ZAN: variants seen among roughly 807,000 people sequenced by gnomAD.
The protein encoded by ZAN is zonadhesin, also known as zonadhesin (gene/pseudogene).
A neutral mutation model predicts 286.2 loss-of-function variants in ZAN; 260 were observed. The ratio of observed to expected loss-of-function variants is 0.91; its 90% CI spans 0.82 to 1.01. The LOEUF (loss-of-function observed/expected upper bound fraction) is 1.01, where lower values mean the gene tolerates loss of function less well. Among genes scored for constraint, ZAN ranks in the 50% least tolerant of loss-of-function variants. ZAN has a pLI of 0.00. For synonymous variants in ZAN, 1,368 were observed against 1,417.5 expected (o/e 0.97, Z 0.79); for missense variants, 3,410 against 3,639.2 (o/e 0.94, Z 1.62).
chr7:100,750,324 A>G (rs575920387), intron 11 of ZAN, among the ~76,000 whole-genome samples: 7 of 151,924 alleles, frequency 4.6e-5, no homozygotes, highest in African/African-American at 1.7e-4. Context: ...TTTAGTGGAG[A>G]CGGGGTTTCA....
Position 100,775,786 on chromosome 7 carries a change from G to A in ZAN, c.6145G>A (p.Gly2049Arg), listed in dbSNP as rs373079678. 41 of 1,613,750 alleles carry A rather than the reference G, an allele frequency of 2.5e-5. 1 individual carries two copies. The highest frequency in any genetic ancestry group is 3.4e-5 in the Non-Finnish European group (40 of 1,179,896). The part of the protein sequence containing the change: ...IKIGVQVKFD[G>R]NHLLEIEIPT... ...GATCGGGGTGCAAGTCAAGTTTGAC[G>A]GGAATCATCTCTTAGAGATTGAAAT... The change falls in exon 33 of 48, where the codon GGG (glycine) becomes AGG (arginine). Residue 2049 changes from glycine to arginine, a missense_variant. This residue lies in a region of ZAN where 1,289 missense variants were observed against 1,314.3 expected (regional missense o/e 0.98). Coordinates refer to ENST00000613979, the MANE Select transcript of ZAN (RefSeq NM_003386.3).
In ZAN at chr7:100,773,438, C is replaced by G; in HGVS notation, c.5579C>G (p.Ser1860Cys). ...AAAGGCCACATCTTGAGTGGAACCT[C>G]CTGCGTGCCCCTTGGCCAGTGTGGC... ...CQKGHILSGTSCVPLGQCGCT... is the reference protein window; with the variant it reads ...CQKGHILSGTCCVPLGQCGCT... The change falls in exon 30 of 48, where the codon TCC becomes TGC. Residue 1860 changes from serine to cysteine, a missense_variant. Ser to Cys is a moderately radical substitution (Grantham distance 112). Around this residue, in one of 7 missense-constraint regions of ZAN, gnomAD observed 1,289 missense variants for 1,314.3 expected, o/e 0.98. Coordinates refer to ENST00000613979, the MANE Select transcript of ZAN (RefSeq NM_003386.3). The G allele has an allele frequency of 6.2e-7, 1 of 1,613,996 alleles. No homozygotes were observed. The highest frequency in any genetic ancestry group is 8.5e-7 in the Non-Finnish European group (1 of 1,179,902).
chr7:100,786,229 G>A (rs1811559321), intron 37 of ZAN, 88 bp downstream of exon 37: 4 of 1,561,902 alleles, frequency 2.6e-6, no homozygotes, highest in Non-Finnish European at 3.5e-6. Context: ...AAGGGGCTTA[G>A]CCTGAACCCC....
intron 28 of ZAN, 58 bp from the exon 29 acceptor site, chr7:100,771,786 A>T (rs1299822377): frequency 1.3e-6 from 2 of 1,545,682 alleles, no homozygotes; most frequent in African/African-American, 2.7e-5. Flanking sequence ...GGGAAGCCAC[A>T]TGGCCCTGTT....
chr7:100,751,871 A>G lies in ZAN; in HGVS notation c.1766A>G (p.Glu589Gly), dbSNP rs1307510348. The G allele has an allele frequency of 1.9e-6, 3 of 1,613,472 alleles. No homozygotes were observed. In the Admixed American group the frequency reaches 5.0e-5, roughly 27 times the overall value. Reference sequence around the variant, plus strand: ...ACAGAAAAGCCCACAGTCCCCAAAGAAAAGCCCACCATTCCCACAGAAAAA... The same window carrying G: ...ACAGAAAAGCCCACAGTCCCCAAAGGAAAGCCCACCATTCCCACAGAAAAA... The part of the protein sequence containing the change: ...VTTEKPTVPK[E>G]KPTIPTEKPT... Residue 589 changes from glutamate to glycine, a missense_variant, in exon 14 of 48, where the codon GAA becomes GGA. Glu to Gly is a moderately conservative substitution (Grantham distance 98). Around this residue, in one of 7 missense-constraint regions of ZAN, gnomAD observed 872 missense variants for 938.9 expected, o/e 0.93. Coordinates refer to ENST00000613979, the MANE Select transcript of ZAN (RefSeq NM_003386.3).
At chr7:100,779,836 T>A (rs1270119399) in intron 35 of ZAN, 86 bp downstream of exon 35, 1 of 1,349,368 alleles carries the variant, frequency 7.4e-7, no homozygotes, top group Admixed American at 2.6e-5. Context: ...CTCTCCTTCC[T>A]GTTCGTTCCT....
chr7:100,752,221 T>G lies in ZAN; in HGVS notation c.2116T>G (p.Ser706Ala), dbSNP rs756448569. 1.7e-4 allele frequency: 262 copies of G among 1,556,342 alleles called. No homozygotes were observed. Among genetic ancestry groups the G allele is most frequent in the Non-Finnish European group, 2.2e-4 (260 of 1,157,360 alleles). ...CATCTCCATGGAAGAGACTATCATC[T>G]CCACAGAAAAACCCACCATCTCCCC... ...PTISMEETII[S>A]TEKPTISPEK... The change falls in exon 14 of 48, where the codon TCC becomes GCC. Residue 706 changes from serine to alanine, a missense_variant. Transcript: ENST00000613979.
rs1809670648 is a variant in ZAN, at chr7:100,762,500, A to G, written c.3986+142A>G. ...GAGTGCAGTGGTGCGATCTCAGCTC[A>G]CTGCAACCTCCGCCTCCCAGGCTCA... On this transcript the variant is annotated intron_variant, in intron 20 of 47. Coordinates refer to ENST00000613979, the MANE Select transcript of ZAN (RefSeq NM_003386.3). 19 of 1,149,776 alleles carry G rather than the reference A, an allele frequency of 1.7e-5. 1 individual carries two copies. The South Asian group carries it at 3.3e-4, about 20-fold the overall frequency. The allele number at this position is 1,149,776 out of a possible 1,614,324, so 71.2% of individuals were successfully genotyped here.
intron 34 of ZAN, 65 bp from the exon 35 acceptor site, chr7:100,779,380 GA>G (rs912589293): frequency 4.6e-5 from 67 of 1,449,778 alleles, no homozygotes; most frequent in Admixed American, 2.3e-4. Context: ...TCCCCCTAAA[GA>G]AAAAAAAATT....
intron 20 of ZAN, among the ~76,000 whole-genome samples, chr7:100,762,744 C>CTT (rs540403384): frequency 3.2e-4 from 46 of 142,318 alleles, no homozygotes; most frequent in South Asian, 1.1e-3. Context: ...TCCACCCGCC[C>CTT]TTTTTTTTTT....
intron 42 of ZAN, among the ~76,000 whole-genome samples, chr7:100,793,598 C>A (rs1051634049): frequency 6.6e-6 from 1 of 151,922 alleles, no homozygotes; most frequent in African/African-American, 2.4e-5. Context: ...CCACCACGCC[C>A]GGCTCATTTT....
rs1202503413 is a variant in ZAN at position 100,782,480 on chromosome 7, C to G, written c.6623-2143C>G. Among the ~76,000 whole-genome samples the G allele has an allele frequency of 4.6e-5, 7 of 151,992 alleles. No individual in the cohort carries two copies. In the East Asian group the frequency reaches 5.8e-4, roughly 13 times the overall value. On this transcript the variant is annotated intron_variant, in intron 35 of 47. Coordinates refer to ENST00000613979, the MANE Select transcript of ZAN (RefSeq NM_003386.3). ...AGTAGCTGGGATTACAGGCACCCAC[C>G]ACCATGCCTGGATAATTTTTTTGTA...
chr7:100,776,448 C>T lies in ZAN; in HGVS notation c.6201C>T (p.Gly2067=), dbSNP rs1406977357. 1 of 1,605,986 alleles carries T rather than the reference C, an allele frequency of 6.2e-7. No individual in the cohort carries two copies. The highest frequency in any genetic ancestry group is 8.5e-7 in the Non-Finnish European group (1 of 1,176,236). ...IPTTYYGKVC[G]MCGNFNDEEE... ...CCACTCTCCCCCGCCAGGTCTGCGGCATGTGTGGGAACTTCAATGATGAGG... is the reference window on the plus strand; with the variant it reads ...CCACTCTCCCCCGCCAGGTCTGCGGTATGTGTGGGAACTTCAATGATGAGG... Residue 2067 remains glycine (G), a synonymous_variant, in exon 34 of 48, where the codon GGC becomes GGT. Transcript: ENST00000613979.
intron 11 of ZAN, among the ~76,000 whole-genome samples, chr7:100,750,227 C>G (rs1473050266): frequency 6.6e-6 from 1 of 151,882 alleles, no homozygotes; most frequent in African/African-American, 2.4e-5. Context: ...ACCTCCACCT[C>G]CGGAGTTCAA....
intron 39 of ZAN, among the ~76,000 whole-genome samples, chr7:100,790,706 A>T (rs1447626037): frequency 6.6e-6 from 1 of 151,858 alleles, no homozygotes; most frequent in Non-Finnish European, 1.5e-5. Context: ...AACATGGTGA[A>T]ACACTGTCTC....
At chr7:100,782,626 C>T (rs1035649489) in intron 35 of ZAN, among the ~76,000 whole-genome samples, 2 of 151,988 alleles carry the variant, frequency 1.3e-5, no homozygotes, top group African/African-American at 4.8e-5. Flanking sequence ...CCACCGTGTC[C>T]GGCCTGCTCT....
chr7:100,759,636 CCTGCG>C, intron 17 of ZAN, 80 bp from the exon 18 acceptor site: 1 of 1,312,918 alleles, frequency 7.6e-7, no homozygotes, highest in Non-Finnish European at 9.8e-7. Flanking sequence ...CTCATCTCTC[CCTGCG>C]GCGCCAGGCT....
chr7:100,795,688 C>T (rs1465291705), intron 45 of ZAN, among the ~76,000 whole-genome samples: 7 of 151,708 alleles, frequency 4.6e-5, no homozygotes, highest in African/African-American at 9.7e-5. Context: ...GGGCGGATCA[C>T]GAGGTCAGGA....
chr7:100,751,593 G>A, intron 13 of ZAN, 119 bp from the exon 14 acceptor site: 1 of 1,115,972 alleles, frequency 9.0e-7, no homozygotes, highest in Non-Finnish European at 1.2e-6. Context: ...TTGGGGTTTG[G>A]GAGTAGAAAG....
Sources: allele counts gnomAD v4.1 joint callset (sites outside exome capture counted in the v4.1 genomes callset), GRCh38; gene constraint gnomAD v4.1.1; regional missense constraint gnomAD v4.1.1; transcripts MANE v1.5; gene names NCBI Gene and HGNC (gene_info 2026-07-23, HGNC 2026-07-21).